The following MYO18B variants were observed in gnomAD, a reference collection of about 807,000 sequenced individuals.
The protein encoded by MYO18B is myosin XVIIIB, also known as unconventional myosin-XVIIIb.
Under a neutral mutation model 273.0 loss-of-function variants are expected in MYO18B, and 204 were observed. The ratio of observed to expected loss-of-function variants is 0.75; its 90% CI spans 0.67 to 0.84. The LOEUF is 0.84. Among genes scored for constraint, MYO18B ranks in the 40% least tolerant of loss-of-function variants. The pLI, the probability that MYO18B is intolerant of heterozygous loss-of-function variation, is 0.00. For synonymous variants in MYO18B, 1,330 were observed against 1,305.7 expected, an observed-to-expected ratio of 1.02 and a Z score of -0.40; for missense variants, 3,212 against 3,287.6, an observed-to-expected ratio of 0.98 and a Z score of 0.56.
intron 7 of MYO18B, 42 bp downstream of exon 7, chr22:25,772,552 C>T: frequency 3.8e-6 from 6 of 1,580,894 alleles, no homozygotes; most frequent in Non-Finnish European, 5.2e-6. Context: ...GGGCTGAGGG[C>T]AGGGGGGCCT....
intron 21 of MYO18B, among the ~76,000 whole-genome samples, chr22:25,855,285 CTTTTTTT>C (rs150338635): frequency 7.6e-6 from 1 of 132,350 alleles, no homozygotes; most frequent in Non-Finnish European, 1.6e-5. Context: ...TTATCTCATT[CTTTTTTT>C]TTTTTTTTTG....
At chr22:25,755,448 C>T (rs933238197) in intron 1 of MYO18B, among the ~76,000 whole-genome samples, 8 of 152,310 alleles carry the variant, frequency 5.3e-5, no homozygotes, top group Non-Finnish European at 7.3e-5. Context: ...TCAGGTGATC[C>T]GCCTGCCTCG....
In MYO18B at chr22:25,869,449, C is replaced by CAA. The variant is rs58609325; in HGVS notation, c.3951+1087_3951+1088dup. Among the ~76,000 whole-genome samples, 304 of 57,764 alleles carry CAA rather than the reference C, an allele frequency of 5.3e-3. 2 individuals are homozygous for CAA. The highest frequency in any genetic ancestry group is 0.017 in the Middle Eastern group (2 of 118). The allele number at this position is 57,764 out of a possible 152,430, so 37.9% of individuals were successfully genotyped here. A position where few individuals can be genotyped will look rare whatever the true frequency, so the allele number is the denominator to read the frequency against. On this transcript the variant is annotated intron_variant, in intron 22 of 43. Transcript: ENST00000335473. Reference sequence around the variant, plus strand: ...TGGGCAATAGAACAATACTGTGTCTCAAAAAAAAAAAAAAAAAAAAAAAAG... The same window carrying CAA: ...TGGGCAATAGAACAATACTGTGTCTCAAAAAAAAAAAAAAAAAAAAAAAAAAG...
chr22:25,771,239 G>A (rs931325670), intron 6 of MYO18B, among the ~76,000 whole-genome samples: 1 of 152,198 alleles, frequency 6.6e-6, no homozygotes, highest in African/African-American at 2.4e-5. Context: ...GAACATGTTT[G>A]TCAGGTCTTG....
intron 6 of MYO18B, 82 bp from the exon 7 acceptor site, chr22:25,772,252 G>A: frequency 7.6e-7 from 1 of 1,322,842 alleles, no homozygotes; most frequent in Non-Finnish European, 1.0e-6. Flanking sequence ...CTTAGTGTGT[G>A]TTTGGTTGCG....
intron 12 of MYO18B, among the ~76,000 whole-genome samples, chr22:25,809,702 A>G (rs769805849): frequency 5.3e-5 from 8 of 152,074 alleles, no homozygotes; most frequent in Admixed American, 2.6e-4. Context: ...AGGAGAGACA[A>G]TATCAATAAT....
At chr22:25,855,353 G>A (rs1329806730) in intron 21 of MYO18B, among the ~76,000 whole-genome samples, 2 of 138,652 alleles carry the variant, frequency 1.4e-5, no homozygotes, top group Admixed American at 1.6e-4. Flanking sequence ...GCACGATCTT[G>A]GCTCACCGCA....
the MYO18B span, among the ~76,000 whole-genome samples, chr22:26,039,355 T>C: frequency 6.6e-6 from 1 of 152,248 alleles, no homozygotes; most frequent in African/African-American, 2.4e-5. Context: ...TTCTGGGCTT[T>C]CTTGCATGCT....
rs369683570 is a variant in MYO18B at position 25,921,405 on chromosome 22, G to A, written c.5513G>A (p.Ser1838Asn). The A allele has an allele frequency of 1.5e-4, 235 of 1,600,860 alleles. 1 individual carries two copies. The highest frequency in any genetic ancestry group is 9.9e-4 in the Middle Eastern group (6 of 6,032). ...VSKEELEKVHSQLEQSEAKCE... is the reference protein window; with the variant it reads ...VSKEELEKVHNQLEQSEAKCE... Reference sequence around the variant, plus strand: ...AAGGAGGAGCTGGAGAAAGTGCACAGCCAGGTGGGTGTCACGGGATCCCCT... The same window carrying A: ...AAGGAGGAGCTGGAGAAAGTGCACAACCAGGTGGGTGTCACGGGATCCCCT... Residue 1838 changes from serine to asparagine, a missense_variant, in exon 34 of 44, where the codon AGC becomes AAC. Coordinates refer to ENST00000335473, the MANE Select transcript of MYO18B (RefSeq NM_032608.7).
At chr22:25,991,306 C>G (rs2093268282) in intron 39 of MYO18B, among the ~76,000 whole-genome samples, 1 of 152,158 alleles carries the variant, frequency 6.6e-6, no homozygotes, top group Admixed American at 6.5e-5. Context: ...CCCAGGGTTT[C>G]AGACTCAGCA....
chr22:25,797,489 A>G (rs990946497), intron 11 of MYO18B, among the ~76,000 whole-genome samples: 6 of 152,130 alleles, frequency 3.9e-5, no homozygotes, highest in African/African-American at 1.2e-4. Context: ...AACTTACCCT[A>G]CAGAGCCTAC....
the MYO18B span, among the ~76,000 whole-genome samples, chr22:26,060,058 C>T: frequency 2.0e-5 from 3 of 152,216 alleles, no homozygotes; most frequent in Non-Finnish European, 2.9e-5. Context: ...CAGTGCAGTA[C>T]AGGATTCTGT....
At chr22:25,888,328 A>G (rs1324131313) in intron 25 of MYO18B, among the ~76,000 whole-genome samples, 1 of 152,044 alleles carries the variant, frequency 6.6e-6, no homozygotes, top group Non-Finnish European at 1.5e-5. Context: ...CAGTGGTGTG[A>G]TCATAGCTGC....
chr22:25,861,181 G>C (rs2090724250), intron 21 of MYO18B, among the ~76,000 whole-genome samples: 1 of 152,130 alleles, frequency 6.6e-6, no homozygotes, highest in African/African-American at 2.4e-5. Flanking sequence ...ACTGTGCCTG[G>C]CATGTTGCTA....
At chr22:25,820,676 A>G (rs2089242842) in intron 12 of MYO18B, among the ~76,000 whole-genome samples, 2 of 152,200 alleles carry the variant, frequency 1.3e-5, no homozygotes, top group Admixed American at 1.3e-4. Flanking sequence ...TGTGTTAGGA[A>G]CATTCAATAT....
At chr22:25,859,832 C>T (rs936933230) in intron 21 of MYO18B, among the ~76,000 whole-genome samples, 4 of 152,062 alleles carry the variant, frequency 2.6e-5, no homozygotes, top group African/African-American at 4.8e-5. Flanking sequence ...CATAATGATG[C>T]ACAGAGATTT....
At chr22:25,818,152 T>C (rs1178674761) in intron 12 of MYO18B, among the ~76,000 whole-genome samples, 2 of 152,100 alleles carry the variant, frequency 1.3e-5, no homozygotes, top group South Asian at 2.1e-4. Flanking sequence ...CTGGATAGAG[T>C]GTGTGATCCC....
intron 39 of MYO18B, among the ~76,000 whole-genome samples, chr22:25,979,962 T>G (rs2093132651): frequency 6.6e-6 from 1 of 152,124 alleles, no homozygotes; most frequent in African/African-American, 2.4e-5. Context: ...CTCCAGTCCC[T>G]GGCGCTATGA....
rs140429673 is a variant in MYO18B at position 25,862,359 on chromosome 22, G to A, written c.3886-5961G>A. On this transcript the variant is annotated intron_variant, in intron 21 of 43. Coordinates refer to ENST00000335473, the MANE Select transcript of MYO18B (RefSeq NM_032608.7). ...ATGTCTTTTAGGTAAGTTAAGGGAA[G>A]CAAAGGAAAAAAATGAAGATTTTTA... 8.0e-4 allele frequency among the ~76,000 whole-genome samples: 122 copies of A among 152,174 alleles called. No homozygotes were observed. In the East Asian group the frequency reaches 0.017, roughly 21 times the overall value.
Sources: gnomAD v4.1 joint callset for allele counts (sites outside exome capture counted in the v4.1 genomes callset) on GRCh38, gnomAD v4.1.1 for gene constraint, MANE v1.5 for transcripts, NCBI Gene and HGNC (gene_info 2026-07-23, HGNC 2026-07-21) for gene names.